Variants in SEMA6D observed in about 807,000 individuals in gnomAD.
The protein encoded by SEMA6D is semaphorin 6D, also known as semaphorin-6D.
SEMA6D carries 35 observed loss-of-function variants against 106.6 expected under a neutral mutation model. The observed-to-expected ratio is 0.33, with a 90% confidence interval of 0.25 to 0.44. The LOEUF is 0.44. Ranked by LOEUF, SEMA6D falls within the 20% of genes least tolerant of loss-of-function variation. The probability of loss-of-function intolerance (pLI) is 1.00; values close to 1 mark genes in which losing one functional copy is unlikely to be tolerated. For synonymous variants in SEMA6D, 499 were observed against 487.7 expected (o/e 1.02, Z -0.31); for missense variants, 1,185 against 1,345.9 (o/e 0.88, Z 1.87).
chr15:47,261,173 A>C (rs1484978585), intron 1 of SEMA6D, among the ~76,000 whole-genome samples: 1 of 152,022 alleles, frequency 6.6e-6, no homozygotes, highest in African/African-American at 2.4e-5. Flanking sequence ...TTACTAACCG[A>C]GTTTTGCCTT....
rs946542074 is a variant in SEMA6D, at chr15:47,710,025, A to G, written c.-54-49720A>G. On this transcript the variant is annotated intron_variant, in intron 4 of 19. Transcript: ENST00000558014. ...AAACATGAGGCAAATAAGTTCCTCT[A>G]CTGCCCCCTTTTACAAGCAAAAGCC... Among the ~76,000 whole-genome samples the G allele has an allele frequency of 3.3e-5, 5 of 152,282 alleles. No homozygotes were observed. In the East Asian group the frequency reaches 7.7e-4, roughly 24 times the overall value.
chr15:47,488,638 C>G (rs998444998), intron 3 of SEMA6D, among the ~76,000 whole-genome samples: 2 of 152,070 alleles, frequency 1.3e-5, no homozygotes, highest in African/African-American at 4.8e-5. Context: ...GAAGAGAAAG[C>G]CTGAGACTTG....
intron 17 of SEMA6D, 77 bp from the exon 18 acceptor site, chr15:47,768,504 T>C (rs2082462569): frequency 8.0e-7 from 1 of 1,253,748 alleles, no homozygotes; most frequent in Non-Finnish European, 1.1e-6. Flanking sequence ...ACTCAAACTT[T>C]ATTTAAAAAT....
At chr15:47,285,452 A>G (rs753403806) in intron 1 of SEMA6D, among the ~76,000 whole-genome samples, 14 of 152,090 alleles carry the variant, frequency 9.2e-5, no homozygotes, top group Non-Finnish European at 1.8e-4. Context: ...TTTCTACAAG[A>G]AAACAATTTG....
intron 1 of SEMA6D, among the ~76,000 whole-genome samples, chr15:47,247,773 C>A (rs145979188): frequency 7.9e-5 from 12 of 152,156 alleles, no homozygotes; most frequent in Non-Finnish European, 1.6e-4. Context: ...AAGAAATAGT[C>A]TAACTCTAAA....
chr15:47,760,479 G>T, intron 3 of SEMA6D, 64 bp downstream of exon 3: 1 of 1,275,340 alleles, frequency 7.8e-7, no homozygotes, highest in Non-Finnish European at 1.1e-6. Flanking sequence ...TTGCATTAGT[G>T]TGTCTAGTTC....
intron 1 of SEMA6D, among the ~76,000 whole-genome samples, chr15:47,296,846 G>A (rs770010754): frequency 6.6e-6 from 1 of 152,170 alleles, no homozygotes; most frequent in African/African-American, 2.4e-5. Context: ...AAAGCTCACT[G>A]TTCAGTAAGG....
intron 1 of SEMA6D, among the ~76,000 whole-genome samples, chr15:47,271,146 C>A (rs963597860): frequency 6.6e-6 from 1 of 152,090 alleles, no homozygotes; most frequent in South Asian, 2.1e-4. Flanking sequence ...ACTCCATACA[C>A]CTCCATGTAA....
intron 1 of SEMA6D, among the ~76,000 whole-genome samples, chr15:47,323,654 T>C (rs1181394038): frequency 6.6e-6 from 1 of 152,156 alleles, no homozygotes; most frequent in East Asian, 1.9e-4. Flanking sequence ...AAACTATCCT[T>C]GGCTTGAAGG....
chr15:47,703,876 T>C (rs904774968), intron 4 of SEMA6D, among the ~76,000 whole-genome samples: 5 of 152,182 alleles, frequency 3.3e-5, no homozygotes, highest in Non-Finnish European at 7.3e-5. Flanking sequence ...ATTTTCTTAA[T>C]AAAGATTAAG....
At chr15:47,682,206 C>A (rs1174846188) in intron 4 of SEMA6D, among the ~76,000 whole-genome samples, 1 of 149,444 alleles carries the variant, frequency 6.7e-6, no homozygotes, top group Non-Finnish European at 1.5e-5. Flanking sequence ...GTCACTCTTT[C>A]ACCCATGCTG....
chr15:47,344,900 G>T (rs955548083), intron 1 of SEMA6D, among the ~76,000 whole-genome samples: 1 of 152,128 alleles, frequency 6.6e-6, no homozygotes, highest in Non-Finnish European at 1.5e-5. Flanking sequence ...TTACGTTTTT[G>T]TATACTAGCA....
rs183964965 is a variant in SEMA6D, at chr15:47,275,891, C to G, written c.-239+91473C>G. Among the ~76,000 whole-genome samples the G allele has an allele frequency of 4.6e-5, 7 of 152,196 alleles. No individual in the cohort carries two copies. The East Asian group carries it at 1.4e-3, about 29-fold the overall frequency. On this transcript the variant is annotated intron_variant, in intron 1 of 19. Coordinates refer to the SEMA6D transcript ENST00000558014. ...GTACCAGTTAATCAAGTGTCGAAAG[C>G]AAAGGAAAAATTCTTGAAGAAAATT...
chr15:47,206,373 A>C (rs1282679733), intron 1 of SEMA6D, among the ~76,000 whole-genome samples: 2 of 152,206 alleles, frequency 1.3e-5, no homozygotes, highest in African/African-American at 4.8e-5. Context: ...TGGGAGACAG[A>C]GAAATGAAGT....
intron 4 of SEMA6D, among the ~76,000 whole-genome samples, chr15:47,688,411 T>A (rs892616021): frequency 3.3e-5 from 5 of 152,102 alleles, no homozygotes; most frequent in African/African-American, 1.2e-4. Context: ...ACAAGAAAAT[T>A]CTTCAAATAT....
intron 4 of SEMA6D, among the ~76,000 whole-genome samples, chr15:47,701,454 G>A (rs1332626563): frequency 6.6e-6 from 1 of 152,050 alleles, no homozygotes; most frequent in Non-Finnish European, 1.5e-5. Flanking sequence ...ACAACATGGT[G>A]ACTATAGTTA....
chr15:47,516,940 G>A (rs1451580189), intron 3 of SEMA6D, among the ~76,000 whole-genome samples: 1 of 152,132 alleles, frequency 6.6e-6, no homozygotes, highest in Admixed American at 6.5e-5. Flanking sequence ...TGCCCAATAA[G>A]AGTTAACACT....
At chr15:47,721,749 A>C (rs1356310335) in intron 1 of SEMA6D, among the ~76,000 whole-genome samples, 3 of 152,210 alleles carry the variant, frequency 2.0e-5, no homozygotes, top group Non-Finnish European at 2.9e-5. Flanking sequence ...CAGATACCAC[A>C]TGAGGTGTAC....
At chr15:47,479,070 A>G (rs968690115) in intron 3 of SEMA6D, among the ~76,000 whole-genome samples, 1 of 152,134 alleles carries the variant, frequency 6.6e-6, no homozygotes, top group Non-Finnish European at 1.5e-5. Context: ...ACAATTCAAG[A>G]TGAGATTTGG....
Sources: gnomAD v4.1 joint callset for allele counts (sites outside exome capture counted in the v4.1 genomes callset) on GRCh38, gnomAD v4.1.1 for gene constraint, MANE v1.5 for transcripts, NCBI Gene and HGNC (gene_info 2026-07-23, HGNC 2026-07-21) for gene names.